SCARF1: variants seen among roughly 807,000 people sequenced by gnomAD.
SCARF1 encodes acetyl LDL receptor.
SCARF1 carries 49 observed loss-of-function variants against 76.3 expected under a neutral mutation model. The ratio of observed to expected loss-of-function variants is 0.64; its 90% CI spans 0.51 to 0.81. SCARF1 has a LOEUF of 0.81. Among genes scored for constraint, SCARF1 ranks in the 40% least tolerant of loss-of-function variants. SCARF1 has a pLI of 0.00. For missense variants in SCARF1, 1,098 were observed against 1,143.9 expected (o/e 0.96, Z 0.58); for synonymous variants, 495 against 474.6 (o/e 1.04, Z -0.56).
Position 1,640,771 on chromosome 17 carries a change from G to T in SCARF1, c.792-105C>A, listed in dbSNP as rs1909987335. ...CAGGCCTTCGGGGGCCCTGGAGAGT[G>T]TTCGGGTCCCACCTGGGTCAGGCAG... On this transcript the variant is annotated intron_variant, in intron 4 of 10. Coordinates refer to ENST00000263071, the MANE Select transcript of SCARF1 (RefSeq NM_003693.4). This position sits in a 1 kb window ranked among gnomAD's most constrained non-coding sequence, Gnocchi z 4.7. 4.8e-5 allele frequency: 52 copies of T among 1,072,842 alleles called. No individual in the cohort carries two copies. The South Asian group carries it at 7.3e-4, about 15-fold the overall frequency. 66.5% of individuals were successfully genotyped at this position (1,072,842 alleles called of 1,614,324 possible).
At chr17:1,639,809 C>T (rs1332932588) in intron 6 of SCARF1, 67 bp from the exon 7 acceptor site, 2 of 1,607,504 alleles carry the variant, frequency 1.2e-6, no homozygotes, top group Non-Finnish European at 1.7e-6. Context: ...AGGAGACGGG[C>T]AGGGAGATTT....
At position 1,640,201 on chromosome 17, in the gene SCARF1, A is replaced by T; in HGVS notation, c.1011-161T>A. On this transcript the variant is annotated intron_variant, in intron 5 of 10. Transcript: ENST00000263071. The surrounding 1 kb of genome is among the most constrained non-coding windows in gnomAD (Gnocchi z 4.7). ...AATAGGGCCTTGAACTTGGGGCCAAATCCAGCAGGTGACAGACTACAAGTC... is the reference window on the plus strand; with the variant it reads ...AATAGGGCCTTGAACTTGGGGCCAATTCCAGCAGGTGACAGACTACAAGTC... 1.1e-6 allele frequency: 1 copy of T among 873,590 alleles called. No homozygotes were observed. Among genetic ancestry groups the T allele is most frequent in the Non-Finnish European group, 1.7e-6 (1 of 582,160 alleles). The allele number at this position is 873,590 out of a possible 1,614,324, so 54.1% of individuals were successfully genotyped here. A position where few individuals can be genotyped will look rare whatever the true frequency, so the allele number is the denominator to read the frequency against.
chr17:1,644,778 C>T lies in SCARF1; in HGVS notation c.265+56G>A. 1 of 1,532,316 alleles carries T rather than the reference C, an allele frequency of 6.5e-7. No homozygotes were observed. Among genetic ancestry groups the T allele is most frequent in the Non-Finnish European group, 8.9e-7 (1 of 1,125,308 alleles). The allele number at this position is 1,532,316 out of a possible 1,614,324, so 94.9% of individuals were successfully genotyped here. On this transcript the variant is annotated intron_variant, in intron 3 of 10. Transcript: ENST00000263071. This position sits in a 1 kb window ranked among gnomAD's most constrained non-coding sequence, Gnocchi z 4.8. Reference sequence around the variant, plus strand: ...GCTACCTGCCTCGCCTGCTCCCACACCACTGCCCCCGTACCCAGCTCTGCC... The same window carrying T: ...GCTACCTGCCTCGCCTGCTCCCACATCACTGCCCCCGTACCCAGCTCTGCC...
In SCARF1 at chr17:1,637,033, C is replaced by A. The variant is rs1909631166; in HGVS notation, c.1394G>T (p.Arg465Met). The A allele has an allele frequency of 1.2e-6, 2 of 1,613,930 alleles. No homozygotes were observed. Among genetic ancestry groups the A allele is most frequent in the African/African-American group, 2.7e-5 (2 of 74,916 alleles). Residue 465 changes from arginine to methionine, a missense_variant, in exon 9 of 11, where the codon AGG becomes ATG. Coordinates refer to ENST00000263071, the MANE Select transcript of SCARF1 (RefSeq NM_003693.4). ...RPARDGATVS[R>M]MKLQVWGTLT... is the part of the protein sequence containing the mutation. ...TGTCCCCCAGACCTGCAGCTTCATC[C>A]TGGACACGGTAGCTCCATCTCTCGC... is the stretch of plus-strand genomic sequence containing the variant.
At chr17:1,641,304 A>G (rs1434725415) in intron 4 of SCARF1, among the ~76,000 whole-genome samples, 2 of 152,206 alleles carry the variant, frequency 1.3e-5, no homozygotes, top group African/African-American at 4.8e-5. Flanking sequence ...GGGAGGGTCC[A>G]GGTTCCATGC....
In SCARF1 at chr17:1,639,917, C is replaced by A. The variant is rs143274554; in HGVS notation, c.1134G>T (p.Gly378=). ...CCCGGGATCCCCATCCTTACCTGGG[C>A]CCCCAGTAGCCGGCACTGCAGACAC... ...GDCVCSAGYW[G]PSCNASCPAG... Residue 378 remains glycine, a synonymous_variant, in exon 6 of 11, where the codon GGG becomes GGT. Coordinates refer to ENST00000263071, the MANE Select transcript of SCARF1 (RefSeq NM_003693.4). 6.2e-7 allele frequency: 1 copy of A among 1,613,004 alleles called. No individual in the cohort carries two copies. The highest frequency in any genetic ancestry group is 1.1e-5 in the South Asian group (1 of 90,972).
chr17:1,643,929 T>C lies in SCARF1; in HGVS notation c.304A>G (p.Ser102Gly). The C allele has an allele frequency of 7.4e-7, 1 of 1,352,682 alleles. No individual in the cohort carries two copies. Among genetic ancestry groups the C allele is most frequent in the Non-Finnish European group, 9.5e-7 (1 of 1,055,186 alleles). 83.8% of individuals were successfully genotyped at this position (1,352,682 alleles called of 1,614,324 possible). A position where few individuals can be genotyped will look rare whatever the true frequency, so the allele number is the denominator to read the frequency against. Residue 102 changes from serine to glycine, a missense_variant, in exon 4 of 11, where the codon AGC becomes GGC. Transcript: ENST00000263071. Reference protein sequence around the residue: ...GQYWGPDCRESCPCHPHGQCE... With the variant: ...GQYWGPDCREGCPCHPHGQCE... ...TGGCCGTGCGGGTGGCAGGGGCAGCTCTCACGGCAGTCGGGGCCCCAGTAC... is the reference window on the plus strand; with the variant it reads ...TGGCCGTGCGGGTGGCAGGGGCAGCCCTCACGGCAGTCGGGGCCCCAGTAC...
intron 8 of SCARF1, among the ~76,000 whole-genome samples, chr17:1,637,325 A>C (rs1278704013): frequency 7.1e-6 from 1 of 141,498 alleles, no homozygotes; most frequent in African/African-American, 2.6e-5. Flanking sequence ...TGTAAAACAG[A>C]TCCTATCTAT....
rs1432289119 is a variant in SCARF1 at position 1,635,596 on chromosome 17, G to T, written c.1655C>A (p.Ala552Glu). 2.5e-6 allele frequency: 4 copies of T among 1,603,268 alleles called. No homozygotes were observed. In the Admixed American group the frequency reaches 6.7e-5, roughly 27 times the overall value. Reference sequence around the variant, plus strand: ...AGCCAGGCTGGCCTCTGACGACCCTGCCTGGGCCACAGGGACCATCCCTGG... The same window carrying T: ...AGCCAGGCTGGCCTCTGACGACCCTTCCTGGGCCACAGGGACCATCCCTGG... ...PQEGMVPVAQ[A>E]GSSEASLAAG... Residue 552 changes from alanine to glutamate, a missense_variant, in exon 11 of 11, where the codon GCA becomes GAA. Physicochemically the swap from Ala to Glu is moderately radical, Grantham distance 107. Coordinates refer to ENST00000263071, the MANE Select transcript of SCARF1 (RefSeq NM_003693.4).
chr17:1,643,135 G>A (rs1428115321), intron 4 of SCARF1, among the ~76,000 whole-genome samples: 3 of 70,662 alleles, frequency 4.2e-5, no homozygotes, highest in African/African-American at 5.5e-5. Flanking sequence ...AGGTCTCCGC[G>A]CAGCCTCGCT....
At chr17:1,637,879 C>T (rs1187170397) in intron 8 of SCARF1, among the ~76,000 whole-genome samples, 1 of 152,222 alleles carries the variant, frequency 6.6e-6, no homozygotes, top group African/African-American at 2.4e-5. Context: ...CCTCCAACAG[C>T]CTTTGCACCT....
In SCARF1 at chr17:1,644,766, C is replaced by T. The variant is rs1464458641; in HGVS notation, c.265+68G>A. On this transcript the variant is annotated intron_variant, in intron 3 of 10. Coordinates refer to ENST00000263071, the MANE Select transcript of SCARF1 (RefSeq NM_003693.4). This position sits in a 1 kb window ranked among gnomAD's most constrained non-coding sequence, Gnocchi z 4.8. ...TGAGGCTGCATGGCTACCTGCCTCG[C>T]CTGCTCCCACACCACTGCCCCCGTA... 6.8e-7 allele frequency: 1 copy of T among 1,464,344 alleles called. No homozygotes were observed. The highest frequency in any genetic ancestry group is 9.3e-7 in the Non-Finnish European group (1 of 1,069,674). 90.7% of individuals were successfully genotyped at this position (1,464,344 alleles called of 1,614,324 possible). A position where few individuals can be genotyped will look rare whatever the true frequency, so the allele number is the denominator to read the frequency against.
rs750929376 is a variant in SCARF1 at position 1,645,235 on chromosome 17, A to G, written c.106T>C (p.Ser36Pro). 6.2e-7 allele frequency: 1 copy of G among 1,613,062 alleles called. No homozygotes were observed. The highest frequency in any genetic ancestry group is 2.2e-5 in the East Asian group (1 of 44,846). Residue 36 changes from serine (S) to proline (P), a missense_variant, in exon 2 of 11, where the codon TCT (serine) becomes CCT (proline). Transcript: ENST00000263071. The surrounding 1 kb of genome is among the most constrained non-coding windows in gnomAD (Gnocchi z 6.3). ...GQHVCVASSP[S>P]AELQCCAGWR... is the part of the protein sequence containing the mutation. ...CCTGCGCAGCACTGCAGCTCAGCAG[A>G]GGGGCTGTGGGGCAAAAAGGGGTCA...
Position 1,643,589 on chromosome 17 carries a change from C to G in SCARF1, c.644G>C (p.Trp215Ser), listed in dbSNP as rs761412283. ...GCACTGCTGCTGGCATTCGGGACCC[C>G]ACCAGCCCGGCCGGCAGGCGCAGCG... ...SGRCACRPGW[W>S]GPECQQQCEC... is the part of the protein sequence containing the mutation. The change falls in exon 4 of 11, where the codon TGG (tryptophan) becomes TCG (serine). Residue 215 changes from tryptophan to serine, a missense_variant. Transcript: ENST00000263071. 14 of 1,474,414 alleles carry G rather than the reference C, an allele frequency of 9.5e-6. No individual in the cohort carries two copies. The highest frequency in any genetic ancestry group is 1.2e-5 in the Non-Finnish European group (14 of 1,120,526). 91.3% of individuals were successfully genotyped at this position (1,474,414 alleles called of 1,614,324 possible).
At chr17:1,642,529 G>A (rs1910140669) in intron 4 of SCARF1, among the ~76,000 whole-genome samples, 2 of 151,818 alleles carry the variant, frequency 1.3e-5, no homozygotes, top group African/African-American at 4.8e-5. Context: ...ATTTTTTATG[G>A]CTGCATAGTA....
rs1320338349 is a variant in SCARF1, at chr17:1,639,969, C to T, written c.1082G>A (p.Gly361Glu). The change falls in exon 6 of 11, where the codon GGG becomes GAG. Residue 361 changes from glycine (G) to glutamate (E), a missense_variant. Gly to Glu is a moderately conservative substitution (Grantham distance 98). Coordinates refer to ENST00000263071, the MANE Select transcript of SCARF1 (RefSeq NM_003693.4). ...GTCCCCTGTCACAGTATCACAGGACCCCTGAACACAGGTGGGGCAGGTAGA... is the reference window on the plus strand; with the variant it reads ...GTCCCCTGTCACAGTATCACAGGACTCCTGAACACAGGTGGGGCAGGTAGA... ...CGSTCPTCVQ[G>E]SCDTVTGDCV... 1 of 1,613,934 alleles carries T rather than the reference C, an allele frequency of 6.2e-7. No individual in the cohort carries two copies. Among genetic ancestry groups the T allele is most frequent in the East Asian group, 2.2e-5 (1 of 44,888 alleles).
In SCARF1 at chr17:1,640,460, C is replaced by T; in HGVS notation, c.998G>A (p.Trp333Ter). 1 of 1,557,990 alleles carries T rather than the reference C, an allele frequency of 6.4e-7. No homozygotes were observed. The highest frequency in any genetic ancestry group is 8.7e-7 in the Non-Finnish European group (1 of 1,151,134). The part of the protein sequence containing the change: ...TGHCQRCDPG[W>*]LGPRCEDPCP... Reference sequence around the variant, plus strand: ...ATGGTGCCCTCACCTGGGCCCCAGCCAGCCAGGGTCACAGCGCTGACAGTG... The same window carrying T: ...ATGGTGCCCTCACCTGGGCCCCAGCTAGCCAGGGTCACAGCGCTGACAGTG... Residue 333 changes from tryptophan to a stop codon, truncating the protein, a stop_gained, in exon 5 of 11, where the codon TGG (tryptophan) becomes TAG (stop). Transcript: ENST00000263071. LOFTEE classifies it high-confidence loss of function. The surrounding 1 kb of genome is among the most constrained non-coding windows in gnomAD (Gnocchi z 4.7).
At position 1,645,666 on chromosome 17, in the gene SCARF1, AG is replaced by A. The variant is rs758030549; in HGVS notation, c.31del (p.Leu11CysfsTer60). ...CCCCTGAGTCCCCCGAGTCCAGAGC[AG>A]CAGCAGCGGGAGCAGCAGCCCCAGC... MGLGLLLPLL[L>X]LWTRGTQGSE... On this transcript the variant is annotated frameshift_variant, in exon 1 of 11. Transcript: ENST00000263071. LOFTEE classifies it high-confidence loss of function. The surrounding 1 kb of genome is among the most constrained non-coding windows in gnomAD (Gnocchi z 6.3). The A allele has an allele frequency of 1.2e-6, 2 of 1,608,192 alleles. No individual in the cohort carries two copies. The highest frequency in any genetic ancestry group is 8.5e-7 in the Non-Finnish European group (1 of 1,179,114).
rs1909378763 is a variant in SCARF1, at chr17:1,634,770, T to A, written c.2481A>T (p.Pro827=). The A allele has an allele frequency of 1.3e-6, 2 of 1,593,612 alleles. No individual in the cohort carries two copies. Among genetic ancestry groups the A allele is most frequent in the Admixed American group, 1.7e-5 (1 of 57,566 alleles). ...AAATTCAAGGTCATCAGGGTTCTGGTGGCCTGGAGATGGGTACAACATTCT... is the reference window on the plus strand; with the variant it reads ...AAATTCAAGGTCATCAGGGTTCTGGAGGCCTGGAGATGGGTACAACATTCT... ...EYENVVPISR[P]PEP The change falls in exon 11 of 11, where the codon CCA becomes CCT. Residue 827 remains proline, a synonymous_variant. Coordinates refer to ENST00000263071, the MANE Select transcript of SCARF1 (RefSeq NM_003693.4).
Sources: allele counts gnomAD v4.1 joint callset (sites outside exome capture counted in the v4.1 genomes callset), GRCh38; gene constraint gnomAD v4.1.1; non-coding constraint Gnocchi (gnomAD v3.1); transcripts MANE v1.5; gene names NCBI Gene and HGNC (gene_info 2026-07-23, HGNC 2026-07-21).